Variants in FSTL1 observed in about 807,000 individuals in gnomAD.
FSTL1 encodes the protein follistatin-related protein 1.
Under a neutral mutation model 45.9 loss-of-function variants are expected in FSTL1, and 24 were observed. That is an observed-to-expected ratio of 0.52 (90% CI 0.38 to 0.74). The LOEUF (loss-of-function observed/expected upper bound fraction) is 0.74. Among genes scored for constraint, FSTL1 ranks in the 30% least tolerant of loss-of-function variants. The pLI, the probability that FSTL1 is intolerant of heterozygous loss-of-function variation, is 0.00. For synonymous variants in FSTL1, 120 were observed against 137.6 expected (o/e 0.87, Z 0.89); for missense variants, 340 against 381.8 (o/e 0.89, Z 0.91).
intron 2 of FSTL1, among the ~76,000 whole-genome samples, chr3:120,431,437 T>C (rs2107666374): frequency 6.6e-6 from 1 of 152,370 alleles, no homozygotes; most frequent in Middle Eastern, 3.4e-3. Context: ...GTATGTCTTT[T>C]ACACTTACAG....
intron 4 of FSTL1, 79 bp downstream of exon 4, chr3:120,411,775 T>C (rs1049144094): frequency 3.1e-6 from 4 of 1,283,070 alleles, no homozygotes; most frequent in Non-Finnish European, 4.4e-6. Context: ...AAAGACCATG[T>C]GGTCAGCCAG....
intron 8 of FSTL1, 136 bp from the exon 9 acceptor site, chr3:120,403,054 C>T (rs1227163406): frequency 1.4e-6 from 1 of 726,534 alleles, no homozygotes; most frequent in Admixed American, 2.0e-5. Flanking sequence ...TCTGAGCAAA[C>T]ACTACCATCA....
chr3:120,431,996 T>A (rs745756337), intron 2 of FSTL1, among the ~76,000 whole-genome samples: 3 of 152,150 alleles, frequency 2.0e-5, no homozygotes, highest in Admixed American at 6.5e-5. Flanking sequence ...GGTAAAATGT[T>A]TGGTACTTCC....
intron 2 of FSTL1, among the ~76,000 whole-genome samples, chr3:120,447,597 A>G (rs967268331): frequency 1.4e-4 from 21 of 152,210 alleles, no homozygotes; most frequent in African/African-American, 3.9e-4. Flanking sequence ...GTGCCAAGGA[A>G]GTAGGACACC....
chr3:120,450,760 A>AAG lies in FSTL1; in HGVS notation c.1-16_1-15dup. 6.4e-7 allele frequency: 1 copy of AAG among 1,570,344 alleles called. No homozygotes were observed. Among genetic ancestry groups the AAG allele is most frequent in the Non-Finnish European group, 8.6e-7 (1 of 1,164,974 alleles). On this transcript the variant is annotated splice_polypyrimidine_tract_variant and intron_variant, in intron 1 of 10. Transcript: ENST00000295633. ...GCGTTTCCACATCTGCGGAAGAGAG[A>AAG]AGAGAGCGAGTCTGAAGGCGCCGGG...
intron 10 of FSTL1, 96 bp from the exon 11 acceptor site, chr3:120,397,092 G>A (rs1936717599): frequency 4.0e-6 from 4 of 991,926 alleles, no homozygotes; most frequent in South Asian, 3.9e-5. Context: ...GCATTTACAA[G>A]CTTATGCTGA....
At chr3:120,410,886 C>CA (rs758312548) in intron 5 of FSTL1, 66 bp downstream of exon 5, 1 of 1,308,332 alleles carries the variant, frequency 7.6e-7, no homozygotes, top group Non-Finnish European at 1.1e-6. Flanking sequence ...TTGTGGAACA[C>CA]AAAATTTCTA....
At chr3:120,409,772 C>G in intron 5 of FSTL1, 110 bp from the exon 6 acceptor site, 1 of 928,624 alleles carries the variant, frequency 1.1e-6, no homozygotes, top group East Asian at 2.5e-5. Context: ...TATGTCATCC[C>G]AGCAACACAG....
chr3:120,438,847 G>A (rs888574132), intron 2 of FSTL1, among the ~76,000 whole-genome samples: 1 of 152,170 alleles, frequency 6.6e-6, no homozygotes, highest in Non-Finnish European at 1.5e-5. Context: ...TGTAAACTCA[G>A]CCACAGTTTC....
At chr3:120,419,544 C>G (rs1359007854) in intron 2 of FSTL1, 1 of 152,260 alleles carries the variant, frequency 6.6e-6, no homozygotes, top group African/African-American at 2.4e-5. Flanking sequence ...GGGTTCAACC[C>G]TTCTCGTGGT....
At chr3:120,438,902 T>G (rs965746947) in intron 2 of FSTL1, among the ~76,000 whole-genome samples, 36 of 152,240 alleles carry the variant, frequency 2.4e-4, no homozygotes, top group Admixed American at 1.1e-3. Flanking sequence ...TCAAGGCAGC[T>G]GAATCCTGAC....
At chr3:120,410,663 G>A in intron 5 of FSTL1, 1 of 540,730 alleles carries the variant, frequency 1.8e-6, no homozygotes, top group Admixed American at 2.2e-5. Flanking sequence ...ATAGGATGTT[G>A]AAAAATGAAC....
At chr3:120,441,090 G>C (rs1236159465) in intron 2 of FSTL1, among the ~76,000 whole-genome samples, 1 of 152,204 alleles carries the variant, frequency 6.6e-6, no homozygotes, top group Non-Finnish European at 1.5e-5. Context: ...CCCTGTCTTT[G>C]AGAGTAATTG....
At chr3:120,425,256 A>C (rs373200906) in intron 2 of FSTL1, among the ~76,000 whole-genome samples, 3 of 152,134 alleles carry the variant, frequency 2.0e-5, no homozygotes, top group Non-Finnish European at 4.4e-5. Context: ...GTAGAGTAGG[A>C]ACATTCAGAG....
At chr3:120,400,178 T>C (rs1409418631) in intron 9 of FSTL1, 1 of 570,440 alleles carries the variant, frequency 1.8e-6, no homozygotes, top group Non-Finnish European at 3.1e-6. Flanking sequence ...CCAACTCCTC[T>C]CTGGCCTTTG....
intron 3 of FSTL1, 93 bp from the exon 4 acceptor site, chr3:120,412,076 C>T (rs1937068833): frequency 3.6e-6 from 4 of 1,123,922 alleles, no homozygotes; most frequent in Non-Finnish European, 5.2e-6. Flanking sequence ...CACACAGAGC[C>T]ATTTTGTAAG....
At chr3:120,436,268 T>A (rs2093453022) in intron 2 of FSTL1, among the ~76,000 whole-genome samples, 1 of 152,182 alleles carries the variant, frequency 6.6e-6, no homozygotes, top group Non-Finnish European at 1.5e-5. Flanking sequence ...GGGAGTTTTA[T>A]TAAGAAATAA....
rs967087044 is a variant in FSTL1 at position 120,409,380 on chromosome 3, T to C, written c.462+152A>G. 6 of 693,446 alleles carry C rather than the reference T, an allele frequency of 8.7e-6. No individual in the cohort carries two copies. The Admixed American group carries it at 1.4e-4, about 16-fold the overall frequency. 43.0% of individuals were successfully genotyped at this position (693,446 alleles called of 1,614,324 possible). On this transcript the variant is annotated intron_variant, in intron 6 of 10. Coordinates refer to ENST00000295633, the MANE Select transcript of FSTL1 (RefSeq NM_007085.5). Reference sequence around the variant, plus strand: ...GATCAAGCTGGTCAGAAGGCAACTTTCACAGCTTCATGAATGATCTATGAT... The same window carrying C: ...GATCAAGCTGGTCAGAAGGCAACTTCCACAGCTTCATGAATGATCTATGAT...
intron 2 of FSTL1, among the ~76,000 whole-genome samples, chr3:120,437,632 C>T (rs936630683): frequency 2.6e-5 from 4 of 152,082 alleles, no homozygotes; most frequent in African/African-American, 9.7e-5. Context: ...TCCATGCACA[C>T]ACACACACAC....
Sources: allele counts gnomAD v4.1 joint callset (sites outside exome capture counted in the v4.1 genomes callset), GRCh38; gene constraint gnomAD v4.1.1; transcripts MANE v1.5; gene names NCBI Gene and HGNC (gene_info 2026-07-23, HGNC 2026-07-21).